The following DLGAP2 variants were observed in gnomAD, a reference collection of about 807,000 sequenced individuals.
DLGAP2 encodes disks large-associated protein 2.
Under a neutral mutation model 100.3 loss-of-function variants are expected in DLGAP2, and 26 were observed. That is an observed-to-expected ratio of 0.26 (90% confidence interval 0.19 to 0.36). The LOEUF (loss-of-function observed/expected upper bound fraction) is 0.36. Among genes scored for constraint, DLGAP2 ranks in the 10% least tolerant of loss-of-function variants. The pLI, the probability that DLGAP2 is intolerant of heterozygous loss-of-function variation, is 1.00. For missense variants in DLGAP2, 1,858 were observed against 1,453.2 expected, an observed-to-expected ratio of 1.28 and a Z score of -4.53; for synonymous variants, 886 against 630.1, an observed-to-expected ratio of 1.41 and a Z score of -6.08.
chr8:1,413,180 G>T (rs972127140), intron 3 of DLGAP2, among the ~76,000 whole-genome samples: 1 of 152,060 alleles, frequency 6.6e-6, no homozygotes, highest in South Asian at 2.1e-4. Flanking sequence ...GTCATGGCTT[G>T]TCTCCCTCCT....
At chr8:1,017,736 C>G (rs1040539458) in intron 2 of DLGAP2, among the ~76,000 whole-genome samples, 1 of 152,170 alleles carries the variant, frequency 6.6e-6, no homozygotes, top group Non-Finnish European at 1.5e-5. Flanking sequence ...CGGGGACTGA[C>G]TGAGCCTGCA....
At position 1,149,438 on chromosome 8, in the gene DLGAP2, C is replaced by T. The variant is rs372760446; in HGVS notation, c.74-109413C>T. ...CTGGGATTACAGGCACCAGCCACCGCGCCTGGCCTGAAATTACCCTCTTTA... is the reference window on the plus strand; with the variant it reads ...CTGGGATTACAGGCACCAGCCACCGTGCCTGGCCTGAAATTACCCTCTTTA... On this transcript the variant is annotated intron_variant, in intron 2 of 14. Coordinates refer to ENST00000637795, the MANE Select transcript of DLGAP2 (RefSeq NM_001346810.2). Among the ~76,000 whole-genome samples the T allele has an allele frequency of 2.6e-5, 4 of 152,248 alleles. 1 individual carries two copies. The highest frequency in any genetic ancestry group is 3.9e-4 in the East Asian group (2 of 5,180).
At chr8:1,470,526 T>C (rs1383719701) in intron 3 of DLGAP2, among the ~76,000 whole-genome samples, 1 of 152,092 alleles carries the variant, frequency 6.6e-6, no homozygotes, top group Non-Finnish European at 1.5e-5. Context: ...ACAAAATCCA[T>C]GGGCCAGTCA....
At chr8:1,174,174 G>C (rs950810242) in intron 2 of DLGAP2, among the ~76,000 whole-genome samples, 9 of 152,004 alleles carry the variant, frequency 5.9e-5, no homozygotes, top group African/African-American at 2.2e-4. Flanking sequence ...TTAGGAATTA[G>C]GTACATTTTC....
intron 2 of DLGAP2, among the ~76,000 whole-genome samples, chr8:1,167,746 T>C (rs1270994067): frequency 6.6e-6 from 1 of 152,178 alleles, no homozygotes; most frequent in Non-Finnish European, 1.5e-5. Flanking sequence ...TCCATTCAGT[T>C]GACAAACATT....
chr8:980,315 C>T (rs1189775788), intron 2 of DLGAP2, among the ~76,000 whole-genome samples: 2 of 152,154 alleles, frequency 1.3e-5, no homozygotes, highest in African/African-American at 4.8e-5. Flanking sequence ...GGTTAATGAC[C>T]TGGGAAAGAC....
chr8:851,766 C>T (rs1441593308), intron 1 of DLGAP2, among the ~76,000 whole-genome samples: 2 of 152,200 alleles, frequency 1.3e-5, no homozygotes, highest in African/African-American at 2.4e-5. Flanking sequence ...GGAGACCACG[C>T]CACGTGCCCC....
chr8:1,428,794 C>G (rs1011560373), intron 3 of DLGAP2, among the ~76,000 whole-genome samples: 1 of 152,172 alleles, frequency 6.6e-6, no homozygotes, highest in Non-Finnish European at 1.5e-5. Flanking sequence ...AGTGCATGTG[C>G]TGCACACCCA....
rs184301045 is a variant in DLGAP2 at position 1,483,415 on chromosome 8, G to T, written c.107-17951G>T. Among the ~76,000 whole-genome samples the T allele has an allele frequency of 8.5e-5, 13 of 152,258 alleles. No homozygotes were observed. In the East Asian group the frequency reaches 1.2e-3, roughly 14 times the overall value. The stretch of plus-strand genomic sequence containing the variant: ...TGAGCACACCTGCTGTTGGCTTGAC[G>T]GACCCAGAAGCTGAACTGCTGTGTA... On this transcript the variant is annotated intron_variant, in intron 3 of 14. Coordinates refer to ENST00000637795, the MANE Select transcript of DLGAP2 (RefSeq NM_001346810.2).
chr8:1,297,510 A>G lies in DLGAP2; in HGVS notation c.106+38627A>G, dbSNP rs145600341. On this transcript the variant is annotated intron_variant, in intron 3 of 14. Transcript: ENST00000637795. ...GACAGGGAGGAGAAACGTGGCAGGC[A>G]TGAACAGACACCACGTGAGACAGGG... Among the ~76,000 whole-genome samples, 887 of 96,160 alleles carry G rather than the reference A, an allele frequency of 9.2e-3. 2 individuals carry two copies. Among genetic ancestry groups the G allele is most frequent in the South Asian group, 0.02 (51 of 2,530 alleles). The allele number at this position is 96,160 out of a possible 152,430, so 63.1% of individuals were successfully genotyped here. A position where few individuals can be genotyped will look rare whatever the true frequency, so the allele number is the denominator to read the frequency against.
At chr8:1,298,197 C>T (rs1800236951) in intron 3 of DLGAP2, among the ~76,000 whole-genome samples, 5 of 152,186 alleles carry the variant, frequency 3.3e-5, no homozygotes, top group Admixed American at 3.3e-4. Context: ...CATGAACGGA[C>T]ACCACGCGAG....
intron 3 of DLGAP2, among the ~76,000 whole-genome samples, chr8:1,359,736 G>A (rs932954405): frequency 2.2e-4 from 34 of 152,232 alleles, no homozygotes; most frequent in Non-Finnish European, 7.3e-5. Context: ...CCTGCGCAGC[G>A]TGGGACTGTG....
chr8:1,355,282 G>C (rs976942040), intron 3 of DLGAP2, among the ~76,000 whole-genome samples: 1 of 152,222 alleles, frequency 6.6e-6, no homozygotes, highest in Admixed American at 6.5e-5. Flanking sequence ...TGTGTTAACA[G>C]GCAGTAACAG....
intron 3 of DLGAP2, among the ~76,000 whole-genome samples, chr8:1,303,728 C>T (rs1011991358): frequency 1.3e-5 from 2 of 152,262 alleles, no homozygotes; most frequent in Middle Eastern, 3.4e-3. Context: ...TCCTCCCAGG[C>T]ATTTTCTCCT....
chr8:1,476,492 G>T (rs186313784), intron 3 of DLGAP2, among the ~76,000 whole-genome samples: 1 of 152,270 alleles, frequency 6.6e-6, no homozygotes, highest in African/African-American at 2.4e-5. Context: ...TTTGAGCTGA[G>T]TCAAACTGAT....
At position 1,466,580 on chromosome 8, in the gene DLGAP2, T is replaced by G. The variant is rs539209679; in HGVS notation, c.107-34786T>G. On this transcript the variant is annotated intron_variant, in intron 3 of 14. Coordinates refer to ENST00000637795, the MANE Select transcript of DLGAP2 (RefSeq NM_001346810.2). ...GTCTGGCCCATATGTGATAAAAACC[T>G]TAATTTCAGTACTTTCCAGAACTCT... 2.6e-5 allele frequency among the ~76,000 whole-genome samples: 4 copies of G among 152,178 alleles called. No homozygotes were observed. In the South Asian group the frequency reaches 8.3e-4, roughly 32 times the overall value.
intron 6 of DLGAP2, among the ~76,000 whole-genome samples, chr8:1,614,459 G>C (rs1383921435): frequency 6.6e-6 from 1 of 152,226 alleles, no homozygotes; most frequent in East Asian, 1.9e-4. Context: ...CGGACTGGAG[G>C]TGGCCTCTGC....
At chr8:837,153 C>T (rs1796894299) in intron 1 of DLGAP2, among the ~76,000 whole-genome samples, 1 of 152,228 alleles carries the variant, frequency 6.6e-6, no homozygotes, top group African/African-American at 2.4e-5. Flanking sequence ...CAGCGCCTTC[C>T]TCCTGGCGGG....
At chr8:1,422,872 A>G (rs951252952) in intron 3 of DLGAP2, among the ~76,000 whole-genome samples, 33 of 152,162 alleles carry the variant, frequency 2.2e-4, no homozygotes, top group Admixed American at 1.2e-3. Flanking sequence ...GCTGTTCCAG[A>G]ATCAAGCGGT....
Sources: gnomAD v4.1 joint callset for allele counts (sites outside exome capture counted in the v4.1 genomes callset) on GRCh38, gnomAD v4.1.1 for gene constraint, MANE v1.5 for transcripts, NCBI Gene and HGNC (gene_info 2026-07-23, HGNC 2026-07-21) for gene names.